The following SHTN1 variants were observed in gnomAD, a reference collection of about 807,000 sequenced individuals.
SHTN1 encodes the protein shootin 1.
In SHTN1, 42 loss-of-function variants were observed where a neutral mutation model predicts 83.1. The ratio of observed to expected loss-of-function variants is 0.51; its 90% CI spans 0.39 to 0.65. SHTN1 has a LOEUF of 0.65. SHTN1 is among the 30% of genes least tolerant of loss of function. The pLI is 0.00. For synonymous variants in SHTN1, 224 were observed against 247.7 expected (o/e 0.90, Z 0.90); for missense variants, 622 against 737.8 (o/e 0.84, Z 1.82).
chr10:117,021,087 T>C (rs555016641), intron 2 of SHTN1, among the ~76,000 whole-genome samples: 1 of 152,200 alleles, frequency 6.6e-6, no homozygotes, highest in South Asian at 2.1e-4. Context: ...AAAACCACAA[T>C]GATGGCCAGG....
intron 9 of SHTN1, among the ~76,000 whole-genome samples, chr10:116,938,780 T>C (rs1849259922): frequency 6.6e-6 from 1 of 152,222 alleles, no homozygotes; most frequent in African/African-American, 2.4e-5. Flanking sequence ...CCTCTTTCCC[T>C]AGGTTCTCTG....
In SHTN1 at chr10:117,065,762, A is replaced by G. The variant is rs1258232603; in HGVS notation, c.-188-17252T>C. Among the ~76,000 whole-genome samples the G allele has an allele frequency of 8.4e-5, 5 of 59,632 alleles. No individual in the cohort carries two copies. The South Asian group carries it at 4.1e-3, about 49-fold the overall frequency. 39.1% of individuals were successfully genotyped at this position (59,632 alleles called of 152,430 possible). A position where few individuals can be genotyped will look rare whatever the true frequency, so the allele number is the denominator to read the frequency against. On this transcript the variant is annotated intron_variant, in intron 1 of 17. Coordinates refer to the SHTN1 transcript ENST00000392901. Reference sequence around the variant, plus strand: ...AAAGAAAGAAAGAAAGAAAGAAAGAAAGAAAGAAAGAAAGAAAGAAAGGAA... The same window carrying G: ...AAAGAAAGAAAGAAAGAAAGAAAGAGAGAAAGAAAGAAAGAAAGAAAGGAA...
intron 12 of SHTN1, among the ~76,000 whole-genome samples, chr10:116,916,837 G>A (rs573411333): frequency 7.2e-5 from 11 of 152,236 alleles, no homozygotes; most frequent in South Asian, 2.1e-4. Context: ...TTCTGATACC[G>A]TCCTAACTTC....
intron 1 of SHTN1, among the ~76,000 whole-genome samples, chr10:117,065,143 C>A (rs768478508): frequency 1.7e-4 from 26 of 152,048 alleles, no homozygotes; most frequent in Non-Finnish European, 3.1e-4. Flanking sequence ...ACATCACACA[C>A]TGGGGCCTGT....
intron 14 of SHTN1, 138 bp downstream of exon 14, chr10:116,911,652 T>C (rs1848202994): frequency 6.4e-7 from 1 of 1,566,204 alleles, no homozygotes; most frequent in Non-Finnish European, 8.7e-7. Flanking sequence ...GTAAGCACGA[T>C]CAAATAAACT....
chr10:116,994,544 ATTCTGTGTTTC>A (rs900747883), intron 1 of SHTN1, among the ~76,000 whole-genome samples: 1 of 151,796 alleles, frequency 6.6e-6, no homozygotes, highest in African/African-American at 2.4e-5. Context: ...GGAAGGGGAG[ATTCTGTGTTTC>A]ATCAAGATGA....
chr10:116,886,917 C>T (rs760253150), intron 16 of SHTN1, among the ~76,000 whole-genome samples: 1 of 152,070 alleles, frequency 6.6e-6, no homozygotes, highest in Non-Finnish European at 1.5e-5. Context: ...CAGACCCCCA[C>T]CCGCCCTCAC....
intron 16 of SHTN1, chr10:116,901,369 C>T (rs1472689674): frequency 3.4e-5 from 33 of 985,058 alleles, no homozygotes; most frequent in Admixed American, 6.2e-5. Flanking sequence ...GTTGTAAAAA[C>T]GTGCCCTTCT....
At chr10:116,896,801 CTTT>C (rs1230730641) in intron 16 of SHTN1, among the ~76,000 whole-genome samples, 2 of 121,708 alleles carry the variant, frequency 1.6e-5, no homozygotes, top group Non-Finnish European at 1.7e-5. Context: ...TGATCAGGTA[CTTT>C]TTTTTTTTTT....
chr10:116,888,842 T>C (rs768692961), intron 16 of SHTN1, among the ~76,000 whole-genome samples: 1 of 152,344 alleles, frequency 6.6e-6, no homozygotes, highest in East Asian at 1.9e-4. Flanking sequence ...CTAAATCTCA[T>C]GCAGATTTAT....
chr10:117,007,972 C>T (rs1852047645), upstream of SHTN1, among the ~76,000 whole-genome samples: 1 of 151,934 alleles, frequency 6.6e-6, no homozygotes, highest in South Asian at 2.1e-4. Context: ...CATGCCACTG[C>T]ACTCCAGCCT....
At chr10:116,944,007 A>C (rs992690219) in intron 8 of SHTN1, among the ~76,000 whole-genome samples, 1 of 151,918 alleles carries the variant, frequency 6.6e-6, no homozygotes, top group African/African-American at 2.4e-5. Context: ...GATCTCTAAC[A>C]TAAGAGGAAG....
At chr10:117,113,830 G>A (rs1853803588) in intron 1 of SHTN1, among the ~76,000 whole-genome samples, 1 of 152,214 alleles carries the variant, frequency 6.6e-6, no homozygotes, top group South Asian at 2.1e-4. Context: ...TGGATCATCT[G>A]AGGTAAGGAG....
At chr10:116,955,355 G>T (rs1849946947) in intron 4 of SHTN1, among the ~76,000 whole-genome samples, 1 of 152,092 alleles carries the variant, frequency 6.6e-6, no homozygotes, top group South Asian at 2.1e-4. Flanking sequence ...TCCTTAATTT[G>T]CGCACATCAA....
intron 1 of SHTN1, among the ~76,000 whole-genome samples, chr10:117,053,481 T>C (rs904970480): frequency 6.6e-6 from 1 of 152,152 alleles, no homozygotes; most frequent in Non-Finnish European, 1.5e-5. Context: ...CCAAAGATGA[T>C]ATACAAATGG....
intron 15 of SHTN1, among the ~76,000 whole-genome samples, chr10:116,902,892 G>A (rs1847802758): frequency 6.6e-6 from 1 of 152,228 alleles, no homozygotes; most frequent in South Asian, 2.1e-4. Context: ...GAAAGCACTA[G>A]TGGGTATAAT....
In SHTN1 at chr10:116,886,483, G is replaced by C. The variant is rs780585711; in HGVS notation, c.1757C>G (p.Ser586Cys). 10 of 1,614,108 alleles carry C rather than the reference G, an allele frequency of 6.2e-6. No homozygotes were observed. The South Asian group carries it at 7.7e-5, about 12-fold the overall frequency. The change falls in exon 17 of 17, where the codon TCT (serine) becomes TGT (cysteine). Residue 586 changes from serine to cysteine, a missense_variant. Ser to Cys is a moderately radical substitution (Grantham distance 112, BLOSUM62 -1). This residue lies in a region of SHTN1 where 231 missense variants were observed against 251.6 expected (regional missense o/e 0.92). Coordinates refer to ENST00000355371, the MANE Select transcript of SHTN1 (RefSeq NM_001127211.3). ...GTCTTTGGTTTGGGGTTCATGTGTA[G>C]AAACAGGATCTAAAACTACAACTGG... ...AEPVVVLDPV[S>C]THEPQTKDQV...
intron 1 of SHTN1, among the ~76,000 whole-genome samples, chr10:117,064,043 C>G (rs186787850): frequency 7.9e-4 from 120 of 152,296 alleles, no homozygotes; most frequent in African/African-American, 2.5e-3. Context: ...GAAAACTTCT[C>G]TCTGGTGTGC....
chr10:117,051,999 C>CTCATATATATATATATATATATATAT (rs1277544146), intron 1 of SHTN1, among the ~76,000 whole-genome samples: 2 of 34,120 alleles, frequency 5.9e-5, no homozygotes, highest in South Asian at 1.2e-3. Flanking sequence ...ATGACATAAT[C>CTCATATATATATATATATATATATAT]ATATATATAT....
Sources: gnomAD v4.1 joint callset for allele counts (sites outside exome capture counted in the v4.1 genomes callset) on GRCh38, gnomAD v4.1.1 for gene constraint, gnomAD v4.1.1 regional missense constraint, MANE v1.5 for transcripts, NCBI Gene and HGNC (gene_info 2026-07-23, HGNC 2026-07-21) for gene names.